Variants in LYPLAL1 observed in about 807,000 individuals in gnomAD.
LYPLAL1 encodes the protein lysophospholipase-like protein 1.
LYPLAL1 carries 23 observed loss-of-function variants against 19.7 expected under a neutral mutation model. The ratio of observed to expected loss-of-function variants is 1.17; its 90% confidence interval spans 0.84 to 1.65. The LOEUF is 1.65. LYPLAL1 is among the 40% of genes most tolerant of loss of function. The probability of loss-of-function intolerance (pLI) is 0.00; values close to 1 mark genes in which losing one functional copy is unlikely to be tolerated. For missense variants in LYPLAL1, 355 were observed against 279.4 expected (o/e 1.27, Z -1.93); for synonymous variants, 119 against 96.3 (o/e 1.24, Z -1.38).
the LYPLAL1 span, among the ~76,000 whole-genome samples, chr1:219,386,750 C>G: frequency 6.6e-6 from 1 of 152,184 alleles, no homozygotes; most frequent in South Asian, 2.1e-4. Flanking sequence ...TGCCCCCTTT[C>G]TTGTGTTTCT....
chr1:219,221,689 G>A, the LYPLAL1 span, among the ~76,000 whole-genome samples: 1 of 152,168 alleles, frequency 6.6e-6, no homozygotes, highest in Non-Finnish European at 1.5e-5. Flanking sequence ...TTTGCCAGAG[G>A]CTCCCGTTGG....
chr1:219,327,967 G>T, the LYPLAL1 span, among the ~76,000 whole-genome samples: 15 of 152,142 alleles, frequency 9.9e-5, no homozygotes, highest in African/African-American at 3.6e-4. Context: ...CATTGAAAAT[G>T]GACTAATACA....
chr1:219,230,466 A>C, the LYPLAL1 span, among the ~76,000 whole-genome samples: 1 of 152,244 alleles, frequency 6.6e-6, no homozygotes, highest in Non-Finnish European at 1.5e-5. Flanking sequence ...TGGTCAAGAC[A>C]AAATTAGTTT....
At chr1:219,234,398 C>G in the LYPLAL1 span, among the ~76,000 whole-genome samples, 4 of 152,136 alleles carry the variant, frequency 2.6e-5, no homozygotes, top group Non-Finnish European at 4.4e-5. Flanking sequence ...ACCAAATAAA[C>G]CTCTCTATTA....
the LYPLAL1 span, among the ~76,000 whole-genome samples, chr1:219,335,473 G>GA: frequency 1.8e-4 from 26 of 148,570 alleles, no homozygotes; most frequent in East Asian, 9.8e-4. Context: ...TAACTTAGCT[G>GA]AAAAAAAAAC....
chr1:219,347,342 T>C, the LYPLAL1 span, among the ~76,000 whole-genome samples: 1 of 152,120 alleles, frequency 6.6e-6, no homozygotes, highest in Admixed American at 6.5e-5. Flanking sequence ...CTCCATATGC[T>C]AATTAACAAC....
chr1:219,443,219 C>T, the LYPLAL1 span, among the ~76,000 whole-genome samples: 13 of 152,034 alleles, frequency 8.6e-5, no homozygotes, highest in Non-Finnish European at 4.4e-5. Context: ...GTCAACCTAC[C>T]TTTTATTCAG....
the LYPLAL1 span, among the ~76,000 whole-genome samples, chr1:219,248,624 A>G: frequency 1.7e-3 from 265 of 152,232 alleles, no homozygotes; most frequent in East Asian, 1.5e-3. Flanking sequence ...GATTGTTGGT[A>G]ACGATTATTT....
At chr1:219,226,490 G>A in the LYPLAL1 span, among the ~76,000 whole-genome samples, 1 of 152,040 alleles carries the variant, frequency 6.6e-6, no homozygotes, top group Non-Finnish European at 1.5e-5. Context: ...GAGAAGCCAC[G>A]TAGGTTCTTA....
chr1:219,348,452 C>T, the LYPLAL1 span, among the ~76,000 whole-genome samples: 1 of 152,186 alleles, frequency 6.6e-6, no homozygotes, highest in African/African-American at 2.4e-5. Context: ...CTGTGTATTC[C>T]TCAGCTTCTT....
the LYPLAL1 span, among the ~76,000 whole-genome samples, chr1:219,232,196 A>G: frequency 6.6e-6 from 1 of 152,164 alleles, no homozygotes; most frequent in East Asian, 1.9e-4. Context: ...TAAGGGAGAT[A>G]TTTATCACAT....
chr1:219,365,040 A>G, the LYPLAL1 span, among the ~76,000 whole-genome samples: 2 of 152,078 alleles, frequency 1.3e-5, no homozygotes, highest in African/African-American at 4.8e-5. Context: ...TTATTTTGTC[A>G]TACTATTGAT....
chr1:219,405,468 C>T, the LYPLAL1 span, among the ~76,000 whole-genome samples: 2 of 152,174 alleles, frequency 1.3e-5, no homozygotes, highest in East Asian at 3.9e-4. Context: ...AATGGTACAT[C>T]TCTGGCAAGT....
intron 2 of LYPLAL1, among the ~76,000 whole-genome samples, chr1:219,184,634 A>G (rs1409355654): frequency 6.6e-6 from 1 of 151,772 alleles, no homozygotes; most frequent in Non-Finnish European, 1.5e-5. Flanking sequence ...TTCTTTGCCT[A>G]ATTAGCTGAG....
intron 3 of LYPLAL1, among the ~76,000 whole-genome samples, chr1:219,198,367 T>TAA (rs1657786006): frequency 6.6e-6 from 1 of 152,022 alleles, no homozygotes; most frequent in African/African-American, 2.4e-5. Flanking sequence ...ATGCTATATA[T>TAA]AATCCAGTTT....
the LYPLAL1 span, among the ~76,000 whole-genome samples, chr1:219,376,843 AG>A: frequency 6.6e-6 from 1 of 152,218 alleles, no homozygotes; most frequent in African/African-American, 2.4e-5. Context: ...AATTTTGGCA[AG>A]GGTGTGGGGA....
chr1:219,296,316 G>A, the LYPLAL1 span, among the ~76,000 whole-genome samples: 6 of 152,160 alleles, frequency 3.9e-5, no homozygotes, highest in African/African-American at 4.8e-5. Flanking sequence ...TGTTCCAGCT[G>A]TCACTCTGTG....
the LYPLAL1 span, among the ~76,000 whole-genome samples, chr1:219,415,664 G>C: frequency 6.6e-6 from 1 of 152,164 alleles, no homozygotes; most frequent in Non-Finnish European, 1.5e-5. Context: ...AGTAACTTCC[G>C]GGTCATTGCC....
the LYPLAL1 span, among the ~76,000 whole-genome samples, chr1:219,329,818 A>T: frequency 6.6e-6 from 1 of 152,180 alleles, no homozygotes; most frequent in Non-Finnish European, 1.5e-5. Flanking sequence ...AAAGGCTGTG[A>T]CTGCTGCAGG....
Sources: allele counts gnomAD v4.1 joint callset (sites outside exome capture counted in the v4.1 genomes callset), GRCh38; gene constraint gnomAD v4.1.1; transcripts MANE v1.5; gene names NCBI Gene and HGNC (gene_info 2026-07-23, HGNC 2026-07-21).